Variants in CCDC39 observed in about 807,000 individuals in gnomAD.
CCDC39 encodes coiled-coil domain 39 molecular ruler complex subunit, also known as coiled-coil domain-containing protein 39.
CCDC39 carries 113 observed loss-of-function variants against 121.0 expected under a neutral mutation model. The ratio of observed to expected loss-of-function variants is 0.93; its 90% CI spans 0.80 to 1.09. The LOEUF (loss-of-function observed/expected upper bound fraction) is 1.09. Among genes scored for constraint, CCDC39 ranks in the 50% least tolerant of loss-of-function variants. CCDC39 has a pLI of 0.00. For synonymous variants in CCDC39, 349 were observed against 352.2 expected (o/e 0.99, Z 0.10); for missense variants, 1,063 against 1,074.7 (o/e 0.99, Z 0.15).
At chr3:180,619,171 TTGG>T in intron 16 of CCDC39, 85 bp downstream of exon 16, 1 of 708,194 alleles carries the variant, frequency 1.4e-6, no homozygotes, top group South Asian at 1.6e-5. Context: ...AACTGTCTTC[TTGG>T]TGGAAGAGCA....
chr3:180,622,664 G>C (rs1366912672), intron 14 of CCDC39, among the ~76,000 whole-genome samples: 1 of 152,068 alleles, frequency 6.6e-6, no homozygotes, highest in Non-Finnish European at 1.5e-5. Flanking sequence ...CATCTATTGA[G>C]ATGATTATAT....
Position 180,638,516 on chromosome 3 carries a change from G to A in CCDC39, c.1874+3477C>T, listed in dbSNP as rs146072342. 7.9e-5 allele frequency among the ~76,000 whole-genome samples: 12 copies of A among 152,106 alleles called. No homozygotes were observed. In the East Asian group the frequency reaches 1.2e-3, roughly 15 times the overall value. On this transcript the variant is annotated intron_variant, in intron 13 of 19. Transcript: ENST00000476379. ...TTAAATCAAGAAACAAAACACATAC[G>A]TAATTTTAAATTATTGCTGACATTT...
chr3:180,620,732 C>T (rs1244152742), intron 14 of CCDC39, among the ~76,000 whole-genome samples: 2 of 151,842 alleles, frequency 1.3e-5, no homozygotes, highest in Non-Finnish European at 2.9e-5. Flanking sequence ...TGTATTTAAA[C>T]CTGAATGTAG....
At position 180,614,745 on chromosome 3, in the gene CCDC39, T is replaced by C; in HGVS notation, c.*176A>G. The C allele has an allele frequency of 1.8e-6, 1 of 544,828 alleles. No individual in the cohort carries two copies. Among genetic ancestry groups the C allele is most frequent in the Non-Finnish European group, 3.1e-6 (1 of 319,354 alleles). The allele number at this position is 544,828 out of a possible 1,614,324, so 33.7% of individuals were successfully genotyped here. On this transcript the variant is annotated 3_prime_UTR_variant, in exon 20 of 20. Coordinates refer to ENST00000476379, the MANE Select transcript of CCDC39 (RefSeq NM_181426.2). The stretch of plus-strand genomic sequence containing the variant: ...AAGAATCTGCTATTAATTTCTTCAG[T>C]ATGAAGAAAACAGTAGAGAAAATGA...
chr3:180,618,758 T>C (rs996282690), intron 16 of CCDC39, among the ~76,000 whole-genome samples: 19 of 152,150 alleles, frequency 1.2e-4, no homozygotes, highest in Admixed American at 3.9e-4. Flanking sequence ...TATGGCTGCA[T>C]AGTATTCCAT....
At chr3:180,663,805 A>C in intron 2 of CCDC39, 62 bp downstream of exon 2, 2 of 1,524,278 alleles carry the variant, frequency 1.3e-6, no homozygotes, top group Non-Finnish European at 9.0e-7. Flanking sequence ...CGCAGATGTA[A>C]ATATACTATG....
chr3:180,649,343 C>A (rs983813970), intron 9 of CCDC39, among the ~76,000 whole-genome samples: 3 of 152,114 alleles, frequency 2.0e-5, no homozygotes, highest in Admixed American at 1.3e-4. Context: ...ATCTACCATG[C>A]CATGATCAGT....
At position 180,648,305 on chromosome 3, in the gene CCDC39, C is replaced by T. The variant is rs538640066; in HGVS notation, c.1222G>A (p.Glu408Lys). The T allele has an allele frequency of 3.1e-6, 5 of 1,609,928 alleles. No homozygotes were observed. The Admixed American group carries it at 6.7e-5, about 22-fold the overall frequency. The change falls in exon 10 of 20, where the codon GAG becomes AAG. Residue 408 changes from glutamate (E) to lysine (K), a missense_variant. Transcript: ENST00000476379. ...TCTTTCATTGTCTCAGTCTGTAACT[C>T]CTGAGCTTTCTTAAACAGCACACCT... The part of the protein sequence containing the change: ...IKGVLFKKAQ[E>K]LQTETMKEKA...
chr3:180,660,773 A>G (rs1711724143), intron 3 of CCDC39, 45 bp from the exon 4 acceptor site: 4 of 1,538,400 alleles, frequency 2.6e-6, no homozygotes, highest in Non-Finnish European at 3.5e-6. Flanking sequence ...ACAAAACATT[A>G]CTTACTATAC....
At chr3:180,677,127 C>CTAAAACT (rs905007917) in intron 1 of CCDC39, among the ~76,000 whole-genome samples, 1 of 126,438 alleles carries the variant, frequency 7.9e-6, no homozygotes, top group Admixed American at 8.9e-5. Flanking sequence ...CACATGTACC[C>CTAAAACT]TAAAACTTAA....
At chr3:180,652,966 T>C (rs1711510447) in intron 7 of CCDC39, among the ~76,000 whole-genome samples, 1 of 152,174 alleles carries the variant, frequency 6.6e-6, no homozygotes, top group African/African-American at 2.4e-5. Flanking sequence ...AAAAGATCTG[T>C]ACACTAAAAA....
intron 11 of CCDC39, 111 bp downstream of exon 11, chr3:180,646,968 A>T: frequency 1.2e-6 from 1 of 857,654 alleles, no homozygotes; most frequent in East Asian, 2.5e-5. Context: ...CATTTGTTAT[A>T]TATGTGTGTA....
intron 13 of CCDC39, among the ~76,000 whole-genome samples, chr3:180,639,499 C>G (rs759800016): frequency 2.0e-5 from 3 of 152,084 alleles, no homozygotes; most frequent in African/African-American, 4.8e-5. Context: ...AGTTGGAGAC[C>G]ATTATTCTAA....
At chr3:180,659,986 A>G (rs890030361) in intron 4 of CCDC39, among the ~76,000 whole-genome samples, 2 of 152,096 alleles carry the variant, frequency 1.3e-5, no homozygotes, top group Admixed American at 1.3e-4. Context: ...TTCTAAAATG[A>G]CTTTTAATAT....
chr3:180,662,583 T>C (rs991397659), intron 2 of CCDC39, among the ~76,000 whole-genome samples: 1 of 152,058 alleles, frequency 6.6e-6, no homozygotes, highest in Non-Finnish European at 1.5e-5. Flanking sequence ...TTGTTGGAGG[T>C]TTATTATTCT....
At position 180,615,026 on chromosome 3, in the gene CCDC39, C is replaced by T; in HGVS notation, c.2721G>A (p.Leu907=). ...TSTSQSSIKV[L]ELKFPASSSL... ...AAGAGGAGGCCGGGAATTTAAGCTCCAGTACTTTAATTGAAGACTGAGAAG... is the reference window on the plus strand; with the variant it reads ...AAGAGGAGGCCGGGAATTTAAGCTCTAGTACTTTAATTGAAGACTGAGAAG... The change falls in exon 20 of 20, where the codon CTG becomes CTA. Residue 907 remains leucine, a synonymous_variant. Transcript: ENST00000476379. The T allele has an allele frequency of 2.6e-6, 4 of 1,557,388 alleles. No individual in the cohort carries two copies. In the South Asian group the frequency reaches 3.6e-5, roughly 14 times the overall value.
intron 4 of CCDC39, 135 bp from the exon 5 acceptor site, chr3:180,659,904 ATC>A (rs1298926936): frequency 5.7e-6 from 3 of 522,102 alleles, no homozygotes; most frequent in Non-Finnish European, 9.2e-6. Context: ...AATAATAAAT[ATC>A]TTTCTTATCT....
chr3:180,649,684 C>A (rs1200515734), intron 9 of CCDC39, among the ~76,000 whole-genome samples: 6 of 151,806 alleles, frequency 4.0e-5, no homozygotes, highest in African/African-American at 9.7e-5. Context: ...AATGAAAAAA[C>A]CCCCAAGACT....
chr3:180,658,392 G>A (rs1053358909), intron 6 of CCDC39, among the ~76,000 whole-genome samples: 1 of 151,458 alleles, frequency 6.6e-6, no homozygotes, highest in South Asian at 2.1e-4. Context: ...TCAGGAGATC[G>A]AGACCATCCT....
Sources: gnomAD v4.1 joint callset for allele counts (sites outside exome capture counted in the v4.1 genomes callset) on GRCh38, gnomAD v4.1.1 for gene constraint, MANE v1.5 for transcripts, NCBI Gene and HGNC (gene_info 2026-07-23, HGNC 2026-07-21) for gene names.